The following NAA16 variants were observed in gnomAD, a reference collection of about 807,000 sequenced individuals.
NAA16 encodes the protein N-alpha-acetyltransferase 16, NatA auxiliary subunit.
Under a neutral mutation model 110.3 loss-of-function variants are expected in NAA16, and 97 were observed. The observed-to-expected ratio is 0.88, with a 90% CI of 0.75 to 1.04. The LOEUF is 1.04. Ranked by LOEUF, NAA16 falls within the 50% of genes least tolerant of loss-of-function variation. The pLI is 0.00. For missense variants in NAA16, 1,017 were observed against 1,005.1 expected, an observed-to-expected ratio of 1.01 and a Z score of -0.16; for synonymous variants, 372 against 330.6, an observed-to-expected ratio of 1.13 and a Z score of -1.36.
chr13:41,328,928 A>G, intron 7 of NAA16, 85 bp downstream of exon 7: 4 of 1,222,056 alleles, frequency 3.3e-6, no homozygotes, highest in Non-Finnish European at 4.7e-6. Context: ...TTGGGAACAA[A>G]TAATTTTAGC....
At chr13:41,372,572 G>A in intron 16 of NAA16, 160 bp from the exon 17 acceptor site, 5 of 985,330 alleles carry the variant, frequency 5.1e-6, no homozygotes, top group Non-Finnish European at 6.0e-6. Context: ...TCTTTAGAAA[G>A]CCATAGTTGA....
intron 13 of NAA16, chr13:41,362,818 A>G (rs1321069688): frequency 6.6e-5 from 85 of 1,289,572 alleles, no homozygotes; most frequent in East Asian, 1.7e-4. Context: ...TGTGGGGGCA[A>G]TCGGCACCAC....
chr13:41,370,710 CAT>C (rs2043299414), intron 15 of NAA16, among the ~76,000 whole-genome samples: 1 of 152,168 alleles, frequency 6.6e-6, no homozygotes, highest in Non-Finnish European at 1.5e-5. Context: ...TCCGGAACCT[CAT>C]GAGTTCAACT....
intron 8 of NAA16, among the ~76,000 whole-genome samples, chr13:41,333,771 T>C (rs1374543743): frequency 1.3e-5 from 2 of 152,056 alleles, no homozygotes; most frequent in African/African-American, 4.8e-5. Context: ...ATAGACAATA[T>C]AAGTTTACTA....
At chr13:41,317,834 T>G (rs1319647077) in intron 2 of NAA16, among the ~76,000 whole-genome samples, 2 of 152,236 alleles carry the variant, frequency 1.3e-5, no homozygotes. Flanking sequence ...AAAATCATTC[T>G]TCTTGTGTAA....
chr13:41,330,183 T>G (rs2042200022), intron 7 of NAA16, among the ~76,000 whole-genome samples: 1 of 151,972 alleles, frequency 6.6e-6, no homozygotes, highest in Non-Finnish European at 1.5e-5. Context: ...GCGAGGTTTT[T>G]TTTTGTTTTT....
At position 41,318,886 on chromosome 13, in the gene NAA16, C is replaced by G. The variant is rs771985523; in HGVS notation, c.220C>G (p.Arg74Gly). The G allele has an allele frequency of 6.2e-6, 10 of 1,600,054 alleles. No homozygotes were observed. The highest frequency in any genetic ancestry group is 8.5e-6 in the Non-Finnish European group (10 of 1,172,058). Reference protein sequence around the residue: ...EAYEFVRKGLRNDVKSHVCWH... With the variant: ...EAYEFVRKGLGNDVKSHVCWH... ...TTATGAGTTTGTTCGTAAAGGACTT[C>G]GTAATGATGTCAAGAGTCATGTCTG... Residue 74 changes from arginine to glycine, a missense_variant, in exon 3 of 20, where the codon CGT (arginine) becomes GGT (glycine). Physicochemically the swap from Arg to Gly is moderately radical, Grantham distance 125. Transcript: ENST00000379406.
chr13:41,374,590 G>A (rs2043391411), intron 18 of NAA16, 152 bp from the exon 19 acceptor site: 1 of 548,964 alleles, frequency 1.8e-6, no homozygotes. Context: ...GGGAAGAAAT[G>A]TCACACTTGG....
chr13:41,325,851 G>C lies in NAA16; in HGVS notation c.691G>C (p.Gly231Arg), dbSNP rs1242476072. 6.3e-7 allele frequency: 1 copy of C among 1,592,830 alleles called. No individual in the cohort carries two copies. Among genetic ancestry groups the C allele is most frequent in the East Asian group, 2.3e-5 (1 of 44,366 alleles). Reference sequence around the variant, plus strand: ...TAAACTTTTGGTGGAAGAAATTAAAGGTAAGTTGGCTTGCCTTTTTTTAAT... The same window carrying C: ...TAAACTTTTGGTGGAAGAAATTAAACGTAAGTTGGCTTGCCTTTTTTTAAT... ...CDKLLVEEIK[G>R]EILLKLGRLK... is the part of the protein sequence containing the mutation. Residue 231 changes from glycine (G) to arginine (R), a missense_variant and splice_region_variant, in exon 6 of 20, where the codon GGG (glycine) becomes CGG (arginine). Coordinates refer to ENST00000379406, the MANE Select transcript of NAA16 (RefSeq NM_024561.5).
chr13:41,358,798 TA>T lies in NAA16; in HGVS notation c.1258-11del, dbSNP rs1480097191. The T allele has an allele frequency of 6.4e-7, 1 of 1,553,048 alleles. No homozygotes were observed. The highest frequency in any genetic ancestry group is 1.2e-5 in the South Asian group (1 of 80,730). ...GATTATAAATTGTGGTTCCTTTAAT[TA>T]TCTTTTATAGCATATAGGTAATCTC... On this transcript the variant is annotated splice_polypyrimidine_tract_variant and intron_variant, in intron 11 of 19. Transcript: ENST00000379406.
At chr13:41,332,314 CTTTTA>C (rs1220241294) in intron 8 of NAA16, among the ~76,000 whole-genome samples, 1 of 152,102 alleles carries the variant, frequency 6.6e-6, no homozygotes, top group Admixed American at 6.6e-5. Flanking sequence ...TTTGCCATTA[CTTTTA>C]TTTTTAGAGC....
At chr13:41,320,390 T>C (rs918154131) in intron 3 of NAA16, among the ~76,000 whole-genome samples, 7 of 152,140 alleles carry the variant, frequency 4.6e-5, no homozygotes, top group Non-Finnish European at 8.8e-5. Flanking sequence ...ACTTAAAATA[T>C]TACAGAAAAT....
chr13:41,355,472 C>G (rs1036954560), intron 10 of NAA16, among the ~76,000 whole-genome samples: 5 of 152,126 alleles, frequency 3.3e-5, no homozygotes, highest in African/African-American at 9.7e-5. Context: ...TCCTGTCACC[C>G]AGGCTGGAGT....
rs144141655 is a variant in NAA16, at chr13:41,333,994, G to A, written c.907+2625G>A. Among the ~76,000 whole-genome samples, 648 of 152,048 alleles carry A rather than the reference G, an allele frequency of 4.3e-3. 2 individuals are homozygous for A. Among genetic ancestry groups the A allele is most frequent in the African/African-American group, 0.014 (577 of 41,488 alleles). On this transcript the variant is annotated intron_variant, in intron 8 of 19. Coordinates refer to ENST00000379406, the MANE Select transcript of NAA16 (RefSeq NM_024561.5). ...GGCATAGGCTTTCAAGGTCATCATC[G>A]CTTTGAGGTTCTGACAAATGTGTAT...
chr13:41,358,271 TTC>T (rs773797289), intron 10 of NAA16, 31 bp from the exon 11 acceptor site: 3 of 1,558,520 alleles, frequency 1.9e-6, no homozygotes, highest in Non-Finnish European at 2.6e-6. Context: ...TTTACATTCT[TTC>T]TATAATAATT....
At chr13:41,369,639 G>A (rs2043277605) in intron 15 of NAA16, among the ~76,000 whole-genome samples, 1 of 152,178 alleles carries the variant, frequency 6.6e-6, no homozygotes, top group African/African-American at 2.4e-5. Context: ...TGTCCATGTG[G>A]TCCTAATATC....
intron 9 of NAA16, among the ~76,000 whole-genome samples, chr13:41,342,810 T>G (rs1291774778): frequency 6.6e-6 from 1 of 152,212 alleles, no homozygotes; most frequent in Non-Finnish European, 1.5e-5. Context: ...GTATTACCAT[T>G]TCACATTGAT....
intron 13 of NAA16, among the ~76,000 whole-genome samples, chr13:41,364,874 CCT>C (rs1165491452): frequency 6.6e-6 from 1 of 151,952 alleles, no homozygotes; most frequent in Non-Finnish European, 1.5e-5. Flanking sequence ...GTTTTTGTTG[CCT>C]TTCTCTGTAT....
chr13:41,335,539 G>A (rs1284043636), intron 8 of NAA16, among the ~76,000 whole-genome samples: 1 of 152,292 alleles, frequency 6.6e-6, no homozygotes, highest in East Asian at 1.9e-4. Context: ...AGAAGCAGTG[G>A]TGTATAATTT....
Sources: gnomAD v4.1 joint callset for allele counts (sites outside exome capture counted in the v4.1 genomes callset) on GRCh38, gnomAD v4.1.1 for gene constraint, MANE v1.5 for transcripts, NCBI Gene and HGNC (gene_info 2026-07-23, HGNC 2026-07-21) for gene names.